The following FUCA1 variants were observed in gnomAD, a reference collection of about 807,000 sequenced individuals.
FUCA1 encodes alpha-L-fucosidase 1, also known as tissue alpha-L-fucosidase.
Under a neutral mutation model 56.8 loss-of-function variants are expected in FUCA1, and 52 were observed. The ratio of observed to expected loss-of-function variants is 0.92; its 90% CI spans 0.73 to 1.15. FUCA1 has a LOEUF of 1.15. Ranked by LOEUF, FUCA1 falls within the 50% of genes most tolerant of loss-of-function variation. FUCA1 has a pLI of 0.00. For synonymous variants in FUCA1, 230 were observed against 226.6 expected (o/e 1.02, Z -0.14); for missense variants, 568 against 592.6 (o/e 0.96, Z 0.43).
intron 4 of FUCA1, 126 bp downstream of exon 4, chr1:23,859,672 C>G: frequency 1.5e-6 from 1 of 687,970 alleles, no homozygotes. Flanking sequence ...GTGTCCCAGT[C>G]CCTACTGCCC....
Position 23,859,859 on chromosome 1 carries a change from G to A in FUCA1, c.707C>T (p.Pro236Leu). The A allele has an allele frequency of 6.2e-7, 1 of 1,613,556 alleles. No homozygotes were observed. Among genetic ancestry groups the A allele is most frequent in the Non-Finnish European group, 8.5e-7 (1 of 1,179,530 alleles). The stretch of plus-strand genomic sequence containing the variant: ...ATTTGTGGAGTTCCAGTAAGTATCA[G>A]GACATTCCCACTCCCCATCAGACCA... ...LIWSDGEWECPDTYWNSTNFL... is the reference protein window; with the variant it reads ...LIWSDGEWECLDTYWNSTNFL... Residue 236 changes from proline (P) to leucine (L), a missense_variant, in exon 4 of 8, where the codon CCT becomes CTT. Pro to Leu is a moderately conservative substitution (Grantham distance 98). Transcript: ENST00000374479.
At chr1:23,848,912 A>G (rs960774806) in intron 5 of FUCA1, 73 bp from the exon 6 acceptor site, 1 of 1,286,486 alleles carries the variant, frequency 7.8e-7, no homozygotes, top group Admixed American at 1.7e-5. Context: ...ATAGACAGAG[A>G]AGAAAAAGAA....
rs1639135933 is a variant in FUCA1 at position 23,846,169 on chromosome 1, T to C, written c.1165A>G (p.Thr389Ala). 1.9e-6 allele frequency: 3 copies of C among 1,611,772 alleles called. No homozygotes were observed. In the Middle Eastern group the frequency reaches 5.0e-4, roughly 266 times the overall value. The change falls in exon 7 of 8, where the codon ACC becomes GCC. Residue 389 changes from threonine to alanine, a missense_variant. Physicochemically the swap from Thr to Ala is moderately conservative, Grantham distance 58. Coordinates refer to ENST00000374479, the MANE Select transcript of FUCA1 (RefSeq NM_000147.5). ...WEKNTTSVWY[T>A]SKGSAVYAIF... Reference sequence around the variant, plus strand: ...GCATAAACAGCCGATCCCTTTGAGGTATACCTGGGAAAACAGAAACAACAC... The same window carrying C: ...GCATAAACAGCCGATCCCTTTGAGGCATACCTGGGAAAACAGAAACAACAC...
chr1:23,854,949 G>T (rs1358423779), intron 4 of FUCA1, among the ~76,000 whole-genome samples: 1 of 152,164 alleles, frequency 6.6e-6, no homozygotes, highest in African/African-American at 2.4e-5. Flanking sequence ...TCTATAAGAG[G>T]AGAAATGAAC....
intron 5 of FUCA1, among the ~76,000 whole-genome samples, chr1:23,849,907 G>C (rs1362221379): frequency 1.3e-5 from 2 of 152,054 alleles, no homozygotes; most frequent in Non-Finnish European, 2.9e-5. Context: ...AAGACTTCTG[G>C]AGTGGGATTT....
chr1:23,849,045 TG>T, intron 5 of FUCA1, among the ~76,000 whole-genome samples: 1 of 152,096 alleles, frequency 6.6e-6, no homozygotes, highest in Middle Eastern at 3.4e-3. Flanking sequence ...TTGGCTCAAC[TG>T]CATCTCGGCT....
chr1:23,851,930 C>T lies in FUCA1; in HGVS notation c.969+2430G>A, dbSNP rs188535160. On this transcript the variant is annotated intron_variant, in intron 5 of 7. Transcript: ENST00000374479. ...CATGTGGGGCTTAAAACCTAGATAT[C>T]GGGTTGATAGTTTGCAACAAACCAT... Among the ~76,000 whole-genome samples the T allele has an allele frequency of 3.6e-3, 542 of 151,966 alleles. 7 individuals carry two copies. The highest frequency in any genetic ancestry group is 0.027 in the South Asian group (130 of 4,816).
chr1:23,859,903 G>C lies in FUCA1; in HGVS notation c.663C>G (p.Ser221Arg). Residue 221 changes from serine to arginine, a missense_variant and splice_region_variant, in exon 4 of 8, where the codon AGC (serine) becomes AGG (arginine). Physicochemically the swap from Ser to Arg is moderately radical, Grantham distance 110. Transcript: ENST00000374479. ...TMPELYDLVN[S>R]YKPDLIWSDG... Reference sequence around the variant, plus strand: ...CAGACCAGATCAGATCAGGTTTATAGCTGGAAGACATGTGATCAGGACAGA... The same window carrying C: ...CAGACCAGATCAGATCAGGTTTATACCTGGAAGACATGTGATCAGGACAGA... 1 of 1,587,740 alleles carries C rather than the reference G, an allele frequency of 6.3e-7. No homozygotes were observed. The highest frequency in any genetic ancestry group is 1.7e-4 in the Middle Eastern group (1 of 6,028).
At chr1:23,858,771 ACAGGGTTTCACTGTCACG>A (rs1639446583) in intron 4 of FUCA1, among the ~76,000 whole-genome samples, 2 of 152,040 alleles carry the variant, frequency 1.3e-5, no homozygotes, top group South Asian at 4.2e-4. Context: ...TTTTTTGGAG[ACAGGGTTTCACTGTCACG>A]CAGGCTGGAG....
chr1:23,853,251 T>C (rs918679982), intron 5 of FUCA1, among the ~76,000 whole-genome samples: 1 of 148,288 alleles, frequency 6.7e-6, no homozygotes, highest in African/African-American at 2.5e-5. Context: ...AACCGCCCCA[T>C]ATGAGAAGTG....
chr1:23,853,901 C>G (rs1305616627), intron 5 of FUCA1, among the ~76,000 whole-genome samples: 1 of 150,936 alleles, frequency 6.6e-6, no homozygotes, highest in East Asian at 1.9e-4. Context: ...TCCCTAATCT[C>G]AAGTACCCAG....
At chr1:23,855,760 G>A (rs1260282781) in intron 4 of FUCA1, among the ~76,000 whole-genome samples, 1 of 152,132 alleles carries the variant, frequency 6.6e-6, no homozygotes, top group African/African-American at 2.4e-5. Flanking sequence ...GACAACTCAA[G>A]ATCAATTCAA....
Position 23,859,914 on chromosome 1 carries a change from T to C in FUCA1, c.663-11A>G, listed in dbSNP as rs759359539. On this transcript the variant is annotated splice_polypyrimidine_tract_variant and intron_variant, in intron 3 of 7. Transcript: ENST00000374479. ...AGATCAGGTTTATAGCTGGAAGACA[T>C]GTGATCAGGACAGAGCTTATTATCT... 17 of 1,538,558 alleles carry C rather than the reference T, an allele frequency of 1.1e-5. No homozygotes were observed. Among genetic ancestry groups the C allele is most frequent in the Admixed American group, 1.7e-5 (1 of 59,908 alleles).
rs755524789 is a variant in FUCA1 at position 23,848,764 on chromosome 1, GAA to G, written c.1043_1044del (p.Val348AlafsTer63). 1.2e-6 allele frequency: 2 copies of G among 1,614,040 alleles called. No homozygotes were observed. The highest frequency in any genetic ancestry group is 2.7e-5 in the African/African-American group (2 of 75,036). On this transcript the variant is annotated frameshift_variant, in exon 6 of 8. Transcript: ENST00000374479. LOFTEE classifies it high-confidence loss of function. Reference sequence around the variant, plus strand: ...GCAAGAAGCCTTTCTTGGAAGATGGGAACAATCAGTCCATCTTTAGTTGGTCC... The same window carrying G: ...GCAAGAAGCCTTTCTTGGAAGATGGGCAATCAGTCCATCTTTAGTTGGTCC... ...NIGPTKDGLI[V>X]PIFQERLLAV...
intron 5 of FUCA1, among the ~76,000 whole-genome samples, chr1:23,849,134 C>T (rs368348695): frequency 1.5e-4 from 23 of 152,046 alleles, no homozygotes; most frequent in African/African-American, 5.1e-4. Context: ...AGGCATGCGC[C>T]ACCACATCCA....
At chr1:23,860,587 A>AG (rs1412596029) in intron 3 of FUCA1, among the ~76,000 whole-genome samples, 6 of 150,592 alleles carry the variant, frequency 4.0e-5, no homozygotes, top group Non-Finnish European at 8.9e-5. Flanking sequence ...CCGTCTCAAA[A>AG]AAAAAAAAAA....
intron 4 of FUCA1, among the ~76,000 whole-genome samples, chr1:23,855,975 C>T (rs996212900): frequency 6.6e-6 from 1 of 152,152 alleles, no homozygotes; most frequent in African/African-American, 2.4e-5. Context: ...GCAGAGGAGA[C>T]AGATATGTGG....
chr1:23,849,628 G>T (rs1639216877), intron 5 of FUCA1, among the ~76,000 whole-genome samples: 1 of 140,096 alleles, frequency 7.1e-6, no homozygotes, highest in African/African-American at 2.8e-5. Flanking sequence ...TGTCTCCCAG[G>T]CTGGAGTGCA....
At chr1:23,851,543 A>C (rs1479755502) in intron 5 of FUCA1, among the ~76,000 whole-genome samples, 1 of 151,216 alleles carries the variant, frequency 6.6e-6, no homozygotes, top group Non-Finnish European at 1.5e-5. Flanking sequence ...ATTGACCTGC[A>C]CTTCTATCCA....
Sources: gnomAD v4.1 joint callset for allele counts (sites outside exome capture counted in the v4.1 genomes callset) on GRCh38, gnomAD v4.1.1 for gene constraint, MANE v1.5 for transcripts, NCBI Gene and HGNC (gene_info 2026-07-23, HGNC 2026-07-21) for gene names.